RALGAPB: variants seen among roughly 807,000 people sequenced by gnomAD.
RALGAPB encodes the protein Ral GTPase activating protein non-catalytic subunit beta.
RALGAPB carries 25 observed loss-of-function variants against 161.1 expected under a neutral mutation model. The ratio of observed to expected loss-of-function variants is 0.16; its 90% CI spans 0.11 to 0.22. The LOEUF (loss-of-function observed/expected upper bound fraction) is 0.22, where lower values mean the gene tolerates loss of function less well. Among genes scored for constraint, RALGAPB ranks in the 10% least tolerant of loss-of-function variants. The probability of loss-of-function intolerance (pLI) is 1.00; values close to 1 mark genes in which losing one functional copy is unlikely to be tolerated. For synonymous variants in RALGAPB, 629 were observed against 626.1 expected (o/e 1.00, Z -0.07); for missense variants, 1,391 against 1,815.2 (o/e 0.77, Z 4.25).
At position 38,549,785 on chromosome 20, in the gene RALGAPB, C is replaced by T. The variant is rs188076027; in HGVS notation, c.3009+990C>T. Among the ~76,000 whole-genome samples, 382 of 152,064 alleles carry T rather than the reference C, an allele frequency of 2.5e-3. 5 individuals carry two copies. Among genetic ancestry groups the T allele is most frequent in the East Asian group, 0.02 (104 of 5,182 alleles). ...CTAATATTTTATTGGATTTCCTTCC[C>T]TTTTTTTCTTTTCATACACAATAAC... On this transcript the variant is annotated intron_variant, in intron 20 of 29. Transcript: ENST00000262879.
intron 27 of RALGAPB, among the ~76,000 whole-genome samples, chr20:38,570,480 C>T (rs1247817412): frequency 6.6e-6 from 1 of 152,114 alleles, no homozygotes; most frequent in Non-Finnish European, 1.5e-5. Flanking sequence ...GCCTAAAATC[C>T]CATCCAGCCC....
chr20:38,499,763 T>C, intron 5 of RALGAPB, 130 bp downstream of exon 5: 1 of 779,480 alleles, frequency 1.3e-6, no homozygotes, highest in South Asian at 3.3e-5. Flanking sequence ...ATTGAGCCAC[T>C]TTTTAAATAT....
chr20:38,496,281 G>A (rs2085425617), intron 3 of RALGAPB, among the ~76,000 whole-genome samples: 1 of 152,094 alleles, frequency 6.6e-6, no homozygotes, highest in Non-Finnish European at 1.5e-5. Flanking sequence ...CTGCATCATA[G>A]CCCAGAATCT....
At chr20:38,518,032 ATT>A in intron 9 of RALGAPB, 32 bp downstream of exon 9, 1 of 1,560,646 alleles carries the variant, frequency 6.4e-7, no homozygotes, top group Non-Finnish European at 8.8e-7. Context: ...TGTTATCATT[ATT>A]TTCCTTTTCC....
At chr20:38,510,126 GCACATACA>G (rs1424115865) in intron 6 of RALGAPB, among the ~76,000 whole-genome samples, 10 of 112,750 alleles carry the variant, frequency 8.9e-5, no homozygotes, top group Non-Finnish European at 1.4e-4. Flanking sequence ...ACACACACAC[GCACATACA>G]CACACACACA....
At chr20:38,485,790 A>G (rs1264865455) in intron 1 of RALGAPB, among the ~76,000 whole-genome samples, 3 of 151,778 alleles carry the variant, frequency 2.0e-5, no homozygotes, top group Non-Finnish European at 4.4e-5. Context: ...TGTTTTTTCC[A>G]TGTTTGTTTC....
At chr20:38,495,470 TAGTC>T (rs763818433) in intron 3 of RALGAPB, among the ~76,000 whole-genome samples, 6 of 152,346 alleles carry the variant, frequency 3.9e-5, no homozygotes, top group South Asian at 4.1e-4. Context: ...GTGTTATAAT[TAGTC>T]AGTTCTGCTG....
At chr20:38,566,039 G>C (rs1013118133) in intron 25 of RALGAPB, among the ~76,000 whole-genome samples, 1 of 152,206 alleles carries the variant, frequency 6.6e-6, no homozygotes, top group Non-Finnish European at 1.5e-5. Flanking sequence ...AATTAAGCCT[G>C]TTTGTTCATG....
chr20:38,543,404 T>C (rs1198368807), intron 18 of RALGAPB, among the ~76,000 whole-genome samples: 1 of 152,236 alleles, frequency 6.6e-6, no homozygotes, highest in African/African-American at 2.4e-5. Context: ...GATAGCATCC[T>C]AGTCCAGGCC....
intron 9 of RALGAPB, among the ~76,000 whole-genome samples, chr20:38,521,196 A>G (rs1033612839): frequency 2.6e-5 from 4 of 152,226 alleles, no homozygotes; most frequent in Non-Finnish European, 5.9e-5. Flanking sequence ...TCTGTATTAT[A>G]TATCTGTATG....
At chr20:38,536,419 G>A (rs2086806643) in intron 16 of RALGAPB, among the ~76,000 whole-genome samples, 1 of 152,188 alleles carries the variant, frequency 6.6e-6, no homozygotes, top group African/African-American at 2.4e-5. Flanking sequence ...GTTGTCAGTA[G>A]TGCTGCTGTG....
In RALGAPB at chr20:38,577,778, C is replaced by G. The variant is rs1031207558; in HGVS notation, c.*2811C>G. ...TCCTTCATTTCCAGATCCTTTATTT[C>G]AGAGCAGCCCATTTTCCTCTGGATT... On this transcript the variant is annotated 3_prime_UTR_variant, in exon 30 of 30. Coordinates refer to ENST00000262879, the MANE Select transcript of RALGAPB (RefSeq NM_020336.4). The G allele has an allele frequency of 1.3e-5, 2 of 152,152 alleles. No individual in the cohort carries two copies. Among genetic ancestry groups the G allele is most frequent in the African/African-American group, 4.8e-5 (2 of 41,298 alleles). 9.4% of individuals were successfully genotyped at this position (152,152 alleles called of 1,614,324 possible).
At chr20:38,557,587 A>T (rs753561372) in intron 22 of RALGAPB, among the ~76,000 whole-genome samples, 1 of 152,180 alleles carries the variant, frequency 6.6e-6, no homozygotes. Context: ...TACCTTTTTC[A>T]GAATGTCATA....
Position 38,502,137 on chromosome 20 carries a change from T to TA in RALGAPB, c.740+2505dup, listed in dbSNP as rs545251768. On this transcript the variant is annotated intron_variant, in intron 5 of 29. Transcript: ENST00000262879. ...AAATTAACTCTGGTACATACTGTAC[T>TA]ACTGTAATAATTTTGTAGCCACTTC... Among the ~76,000 whole-genome samples, 12 of 152,328 alleles carry TA rather than the reference T, an allele frequency of 7.9e-5. No individual in the cohort carries two copies. The East Asian group carries it at 2.3e-3, about 29-fold the overall frequency.
chr20:38,515,987 T>C (rs1436087084), intron 6 of RALGAPB, among the ~76,000 whole-genome samples: 1 of 152,246 alleles, frequency 6.6e-6, no homozygotes, highest in Admixed American at 6.5e-5. Flanking sequence ...TTCTCATGCT[T>C]GGAGTAGGCA....
chr20:38,557,366 C>G (rs2864932), intron 22 of RALGAPB, among the ~76,000 whole-genome samples: 1 of 151,936 alleles, frequency 6.6e-6, no homozygotes, highest in Non-Finnish European at 1.5e-5. Context: ...GTGCATTACT[C>G]ACCGAAGTCG....
chr20:38,511,528 A>G (rs2085952641), intron 6 of RALGAPB, among the ~76,000 whole-genome samples: 1 of 151,986 alleles, frequency 6.6e-6, no homozygotes, highest in South Asian at 2.1e-4. Flanking sequence ...GGGAGTGGTG[A>G]TGACTCTTAA....
At chr20:38,507,094 T>A (rs1408725715) in intron 5 of RALGAPB, among the ~76,000 whole-genome samples, 1 of 152,174 alleles carries the variant, frequency 6.6e-6, no homozygotes, top group Admixed American at 6.5e-5. Flanking sequence ...TAATAGAAAA[T>A]TTGGAAAATG....
chr20:38,537,029 T>G (rs2086826683), intron 16 of RALGAPB, among the ~76,000 whole-genome samples: 2 of 152,188 alleles, frequency 1.3e-5, no homozygotes, highest in Non-Finnish European at 2.9e-5. Flanking sequence ...TAAGCAATAA[T>G]TAGTCCTAAA....
Sources: allele counts gnomAD v4.1 joint callset (sites outside exome capture counted in the v4.1 genomes callset), GRCh38; gene constraint gnomAD v4.1.1; transcripts MANE v1.5; gene names NCBI Gene and HGNC (gene_info 2026-07-23, HGNC 2026-07-21).